Variants in PREX1 observed in about 807,000 individuals in gnomAD.
PREX1 encodes phosphatidylinositol 3,4,5-trisphosphate-dependent Rac exchanger 1 protein.
PREX1 carries 41 observed loss-of-function variants against 198.3 expected under a neutral mutation model. The observed-to-expected ratio is 0.21, with a 90% CI of 0.16 to 0.27. The LOEUF (loss-of-function observed/expected upper bound fraction) is 0.27, where lower values mean the gene tolerates loss of function less well. PREX1 is among the 10% of genes least tolerant of loss of function. The pLI, the probability that PREX1 is intolerant of heterozygous loss-of-function variation, is 1.00. For missense variants in PREX1, 1,620 were observed against 2,200.7 expected (o/e 0.74, Z 5.28); for synonymous variants, 843 against 887.2 (o/e 0.95, Z 0.89).
chr20:48,652,971 C>A (rs2089511742), intron 20 of PREX1, among the ~76,000 whole-genome samples: 1 of 152,190 alleles, frequency 6.6e-6, no homozygotes, highest in Admixed American at 6.5e-5. Flanking sequence ...GTGCCCAACA[C>A]ACACACACTG....
intron 4 of PREX1, among the ~76,000 whole-genome samples, chr20:48,730,077 A>T (rs1001140953): frequency 1.3e-5 from 2 of 152,226 alleles, no homozygotes; most frequent in Admixed American, 6.5e-5. Flanking sequence ...GAGCCCCAGG[A>T]GGGAGCACCC....
intron 35 of PREX1, 25 bp from the exon 36 acceptor site, chr20:48,630,819 GC>G: frequency 6.5e-7 from 1 of 1,527,238 alleles, no homozygotes; most frequent in Non-Finnish European, 9.1e-7. Context: ...TGGGAATGAG[GC>G]GGGGGCCACC....
Position 48,666,313 on chromosome 20 carries a change from C to A in PREX1, c.1708G>T (p.Gly570Cys), listed in dbSNP as rs2089640135. Residue 570 changes from glycine to cysteine, a missense_variant, in exon 15 of 40, where the codon GGT becomes TGT. This residue lies in a region of PREX1 where 488 missense variants were observed against 802.5 expected (regional missense o/e 0.61). Coordinates refer to ENST00000371941, the MANE Select transcript of PREX1 (RefSeq NM_020820.4). The surrounding 1 kb of genome is among the most constrained non-coding windows in gnomAD (Gnocchi z 4.3). ...TGCATGAAGCCATTGTTGCACAGAC[C>A]CACGCCGAGCGCCACTGCCTCCTCC... Reference protein sequence around the residue: ...TREEAVALGVGLCNNGFMHHV... With the variant: ...TREEAVALGVCLCNNGFMHHV... 1.3e-6 allele frequency: 2 copies of A among 1,570,660 alleles called. No individual in the cohort carries two copies. Among genetic ancestry groups the A allele is most frequent in the East Asian group, 4.8e-5 (2 of 41,972 alleles).
In PREX1 at chr20:48,625,458, G is replaced by A. The variant is rs2122788579; in HGVS notation, c.*427C>T. 5.9e-6 allele frequency: 1 copy of A among 168,546 alleles called. No homozygotes were observed. The highest frequency in any genetic ancestry group is 1.8e-4 in the East Asian group (1 of 5,516). The allele number at this position is 168,546 out of a possible 1,614,324, so 10.4% of individuals were successfully genotyped here. A position where few individuals can be genotyped will look rare whatever the true frequency, so the allele number is the denominator to read the frequency against. ...ACCTGGAAGCTAAGATGAGGAGGAG[G>A]AGACACGTGTGGTCACCTGGAATGT... is the stretch of plus-strand genomic sequence containing the variant. On this transcript the variant is annotated 3_prime_UTR_variant, in exon 40 of 40. Transcript: ENST00000371941.
the PREX1 span, among the ~76,000 whole-genome samples, chr20:48,883,116 G>A: frequency 5.9e-5 from 9 of 151,830 alleles, no homozygotes; most frequent in Non-Finnish European, 1.2e-4. Context: ...TATTTTTTTA[G>A]TAGAGACGGG....
At chr20:48,844,359 T>C in the PREX1 span, among the ~76,000 whole-genome samples, 1 of 152,174 alleles carries the variant, frequency 6.6e-6, no homozygotes, top group Admixed American at 6.5e-5. Flanking sequence ...GAAGACACCA[T>C]TGGTTGCAAA....
intron 1 of PREX1, among the ~76,000 whole-genome samples, chr20:48,806,805 G>A (rs1430496667): frequency 1.3e-5 from 2 of 152,184 alleles, no homozygotes; most frequent in Admixed American, 6.5e-5. Flanking sequence ...GGGATACCAA[G>A]GTCAAGATGG....
At chr20:48,699,922 A>T (rs933671211) in intron 7 of PREX1, among the ~76,000 whole-genome samples, 2 of 151,946 alleles carry the variant, frequency 1.3e-5, no homozygotes, top group Non-Finnish European at 2.9e-5. Flanking sequence ...ACTCACACAC[A>T]CGTCAATTCC....
Position 48,634,721 on chromosome 20 carries a change from T to C in PREX1, c.4222A>G (p.Asn1408Asp), listed in dbSNP as rs760421597. 2 of 1,614,204 alleles carry C rather than the reference T, an allele frequency of 1.2e-6. No individual in the cohort carries two copies. The highest frequency in any genetic ancestry group is 1.1e-5 in the South Asian group (1 of 91,084). The change falls in exon 33 of 40, where the codon AAT becomes GAT. Residue 1408 changes from asparagine (N) to aspartate (D), a missense_variant. Around this residue, in one of 7 missense-constraint regions of PREX1, gnomAD observed 476 missense variants for 603.4 expected, o/e 0.79. Coordinates refer to ENST00000371941, the MANE Select transcript of PREX1 (RefSeq NM_020820.4). ...AGCTGCTTAAAGGAGAAGGTGACAT[T>C]GTCCAGCTCTGACAGCGTCACCCAG... ...DIWVTLSELD[N>D]VTFSFKQLDE...
intron 1 of PREX1, among the ~76,000 whole-genome samples, chr20:48,787,103 G>A (rs1228413018): frequency 1.3e-5 from 2 of 152,114 alleles, no homozygotes; most frequent in Non-Finnish European, 2.9e-5. Flanking sequence ...GCTGCGAGAA[G>A]CGGGCTGGAA....
Position 48,649,206 on chromosome 20 carries a change from C to A in PREX1, c.3305+94G>T, listed in dbSNP as rs1601042961. 1.0e-5 allele frequency: 15 copies of A among 1,507,534 alleles called. No individual in the cohort carries two copies. In the East Asian group the frequency reaches 2.1e-4, roughly 21 times the overall value. The allele number at this position is 1,507,534 out of a possible 1,614,324, so 93.4% of individuals were successfully genotyped here. On this transcript the variant is annotated intron_variant, in intron 25 of 39. Coordinates refer to ENST00000371941, the MANE Select transcript of PREX1 (RefSeq NM_020820.4). ...ATAATGTCCAGGACAGCCCACCCCC[C>A]ACTACAAAGAATGATGCTACCCACA... is the stretch of plus-strand genomic sequence containing the variant.
chr20:48,796,777 T>C (rs2090364769), intron 1 of PREX1, among the ~76,000 whole-genome samples: 1 of 150,358 alleles, frequency 6.7e-6, no homozygotes, highest in Admixed American at 6.6e-5. Context: ...TAGTTATATA[T>C]ACAGTTATAT....
At chr20:48,667,243 C>G (rs56258328) in intron 14 of PREX1, among the ~76,000 whole-genome samples, 8,827 of 152,310 alleles carry the variant, frequency 0.058, 327 homozygotes, top group South Asian at 0.13. Context: ...CAGCTCTGAA[C>G]CACCCACCTC....
intron 18 of PREX1, among the ~76,000 whole-genome samples, chr20:48,656,228 G>A (rs1011087367): frequency 6.6e-6 from 1 of 152,066 alleles, no homozygotes; most frequent in African/African-American, 2.4e-5. Context: ...AAGACAAAAT[G>A]CTTTGCTCCC....
intron 1 of PREX1, among the ~76,000 whole-genome samples, chr20:48,761,350 A>T (rs1254092860): frequency 6.6e-6 from 1 of 152,184 alleles, no homozygotes; most frequent in Non-Finnish European, 1.5e-5. Flanking sequence ...GAAGGCAAGG[A>T]TGTTTGTCTG....
chr20:48,868,228 A>G, the PREX1 span, among the ~76,000 whole-genome samples: 1 of 152,212 alleles, frequency 6.6e-6, no homozygotes, highest in Non-Finnish European at 1.5e-5. Context: ...GGCAAACAGG[A>G]AAACCCAAAC....
At chr20:48,790,019 A>G (rs943149018) in intron 1 of PREX1, among the ~76,000 whole-genome samples, 7 of 152,226 alleles carry the variant, frequency 4.6e-5, no homozygotes, top group African/African-American at 1.4e-4. Context: ...TTAGCAAAGA[A>G]GTAGTAGAGT....
the PREX1 span, among the ~76,000 whole-genome samples, chr20:48,852,138 G>A: frequency 6.6e-6 from 1 of 151,876 alleles, no homozygotes; most frequent in Non-Finnish European, 1.5e-5. Context: ...AGGCATTTGA[G>A]TTTGCCATTC....
chr20:48,851,905 G>T, the PREX1 span, among the ~76,000 whole-genome samples: 2 of 152,160 alleles, frequency 1.3e-5, no homozygotes, highest in Admixed American at 6.5e-5. Flanking sequence ...GTCTGTGGGG[G>T]AAGGACAGCC....
Sources: allele counts gnomAD v4.1 joint callset (sites outside exome capture counted in the v4.1 genomes callset), GRCh38; gene constraint gnomAD v4.1.1; regional missense constraint gnomAD v4.1.1; non-coding constraint Gnocchi (gnomAD v3.1); transcripts MANE v1.5; gene names NCBI Gene and HGNC (gene_info 2026-07-23, HGNC 2026-07-21).